The following SEC14L1 variants were observed in gnomAD, a reference collection of about 807,000 sequenced individuals.
The protein encoded by SEC14L1 is SEC14-like protein 1.
Under a neutral mutation model 85.3 loss-of-function variants are expected in SEC14L1, and 48 were observed. The ratio of observed to expected loss-of-function variants is 0.56; its 90% CI spans 0.45 to 0.72. The LOEUF (loss-of-function observed/expected upper bound fraction) is 0.72, where lower values mean the gene tolerates loss of function less well. Ranked by LOEUF, SEC14L1 falls within the 30% of genes least tolerant of loss-of-function variation. The probability of loss-of-function intolerance (pLI) is 0.00; values close to 1 mark genes in which losing one functional copy is unlikely to be tolerated. For synonymous variants in SEC14L1, 391 were observed against 355.5 expected (o/e 1.10, Z -1.12); for missense variants, 682 against 921.4 (o/e 0.74, Z 3.36).
chr17:77,195,056 T>C, intron 7 of SEC14L1, 145 bp downstream of exon 7: 1 of 624,320 alleles, frequency 1.6e-6, no homozygotes, highest in East Asian at 2.7e-5. Flanking sequence ...TTCTGGCCCT[T>C]GTCCTCTCGC....
intron 3 of SEC14L1, among the ~76,000 whole-genome samples, chr17:77,131,104 T>C (rs1319878238): frequency 6.6e-6 from 1 of 152,132 alleles, no homozygotes; most frequent in Non-Finnish European, 1.5e-5. Flanking sequence ...ACATGCCTTA[T>C]GATGGAATTG....
At chr17:77,168,531 C>T (rs1454448422) in intron 3 of SEC14L1, among the ~76,000 whole-genome samples, 4 of 152,322 alleles carry the variant, frequency 2.6e-5, no homozygotes, top group East Asian at 3.9e-4. Flanking sequence ...CCTTTCCATT[C>T]ACCAAACCAC....
intron 3 of SEC14L1, among the ~76,000 whole-genome samples, chr17:77,108,787 CA>C (rs60644460): frequency 0.32 from 36,082 of 112,722 alleles, 5,002 homozygotes; most frequent in South Asian, 0.43. Flanking sequence ...TCTCTGTCTC[CA>C]AAAAAAAAAA....
chr17:77,166,854 G>A (rs1302908349), intron 3 of SEC14L1, among the ~76,000 whole-genome samples: 1 of 151,874 alleles, frequency 6.6e-6, no homozygotes, highest in African/African-American at 2.4e-5. Context: ...CAAAAAACAA[G>A]AAAAAAACAA....
At chr17:77,153,346 C>T (rs915331577) in intron 3 of SEC14L1, among the ~76,000 whole-genome samples, 10 of 152,182 alleles carry the variant, frequency 6.6e-5, no homozygotes, top group Non-Finnish European at 8.8e-5. Context: ...GGATTACAGG[C>T]GTGAACCACT....
At chr17:77,118,623 C>T (rs17533156) in intron 3 of SEC14L1, among the ~76,000 whole-genome samples, 27,935 of 152,250 alleles carry the variant, frequency 0.18, 2,798 homozygotes, top group Middle Eastern at 0.26. Flanking sequence ...ATGCGCTTAA[C>T]GTAAGGAAAG....
intron 7 of SEC14L1, 46 bp downstream of exon 7, chr17:77,194,957 C>G: frequency 7.0e-7 from 1 of 1,424,716 alleles, no homozygotes; most frequent in South Asian, 1.2e-5. Flanking sequence ...CTAGGGAAGT[C>G]GGCGTTGCCG....
chr17:77,198,159 G>A (rs1315827853), intron 8 of SEC14L1, among the ~76,000 whole-genome samples: 1 of 152,134 alleles, frequency 6.6e-6, no homozygotes, highest in East Asian at 1.9e-4. Context: ...AATTAGATTG[G>A]CATAGTTAAG....
At chr17:77,165,475 G>T (rs1476403825) in intron 3 of SEC14L1, among the ~76,000 whole-genome samples, 3 of 152,174 alleles carry the variant, frequency 2.0e-5, no homozygotes, top group Admixed American at 6.5e-5. Context: ...GCAGGTGGGT[G>T]AGAGAGGCAG....
intron 3 of SEC14L1, among the ~76,000 whole-genome samples, chr17:77,173,575 C>A (rs902304941): frequency 2.6e-5 from 4 of 152,180 alleles, no homozygotes; most frequent in Non-Finnish European, 5.9e-5. Flanking sequence ...AGCGTATCTC[C>A]TCCTGAGGGA....
intron 1 of SEC14L1, among the ~76,000 whole-genome samples, chr17:77,141,915 C>T (rs1489729194): frequency 1.3e-5 from 2 of 152,162 alleles, no homozygotes; most frequent in East Asian, 3.8e-4. Context: ...CCACTGTGCA[C>T]CAACACTGTA....
At chr17:77,187,128 C>T (rs139725860) in intron 3 of SEC14L1, among the ~76,000 whole-genome samples, 1 of 152,222 alleles carries the variant, frequency 6.6e-6, no homozygotes, top group East Asian at 1.9e-4. Context: ...GATGCTCAAC[C>T]AGTAAGTATA....
At chr17:77,129,973 C>T (rs574585992) in intron 3 of SEC14L1, 12 of 152,188 alleles carry the variant, frequency 7.9e-5, no homozygotes, top group South Asian at 6.2e-4. Context: ...CTGCATCAGT[C>T]GGTGAAGTGA....
rs561159575 is a variant in SEC14L1 at position 77,097,689 on chromosome 17, G to A, written c.-136+4342G>A. Among the ~76,000 whole-genome samples the A allele has an allele frequency of 5.3e-5, 8 of 152,320 alleles. No homozygotes were observed. In the South Asian group the frequency reaches 1.5e-3, roughly 28 times the overall value. On this transcript the variant is annotated intron_variant, in intron 3 of 19. Coordinates refer to the SEC14L1 transcript ENST00000392476. ...TGTAATCTTCAACAGAGTACTGTAC[G>A]TTCTCTGGCTTATTAGCCCGGTGAA... is the stretch of plus-strand genomic sequence containing the variant.
intron 3 of SEC14L1, among the ~76,000 whole-genome samples, chr17:77,135,064 G>A (rs1186742594): frequency 6.6e-6 from 1 of 152,092 alleles, no homozygotes; most frequent in South Asian, 2.1e-4. Flanking sequence ...GACACCAGTG[G>A]CCCTCTTATT....
chr17:77,124,711 G>A (rs1271739839), intron 3 of SEC14L1, among the ~76,000 whole-genome samples: 1 of 152,202 alleles, frequency 6.6e-6, no homozygotes, highest in East Asian at 1.9e-4. Flanking sequence ...GGGTTGGAGT[G>A]AGTGAGGCCA....
At position 77,142,386 on chromosome 17, in the gene SEC14L1, G is replaced by A. The variant is rs114162078; in HGVS notation, c.-135-260G>A. 8.1e-3 allele frequency among the ~76,000 whole-genome samples: 1,226 copies of A among 151,992 alleles called. 17 individuals carry two copies. Among genetic ancestry groups the A allele is most frequent in the African/African-American group, 0.028 (1,141 of 41,418 alleles). On this transcript the variant is annotated intron_variant, in intron 1 of 16. Coordinates refer to ENST00000436233, the MANE Select transcript of SEC14L1 (RefSeq NM_001143998.2). ...GCCCAGGAGTTTGAGACCAGCCTGG[G>A]CAACATGGGGAAACCTTCTACAAAA...
chr17:77,163,075 A>G (rs923498579), intron 3 of SEC14L1, among the ~76,000 whole-genome samples: 2 of 151,692 alleles, frequency 1.3e-5, no homozygotes, highest in Non-Finnish European at 2.9e-5. Flanking sequence ...TGCCTCCTGG[A>G]CTCTTGTTAC....
chr17:77,124,829 A>G (rs1972394697), intron 3 of SEC14L1, among the ~76,000 whole-genome samples: 1 of 152,166 alleles, frequency 6.6e-6, no homozygotes, highest in Non-Finnish European at 1.5e-5. Context: ...CATGTCGTAC[A>G]GTCGCTTAAC....
Sources: gnomAD v4.1 joint callset for allele counts (sites outside exome capture counted in the v4.1 genomes callset) on GRCh38, gnomAD v4.1.1 for gene constraint, MANE v1.5 for transcripts, NCBI Gene and HGNC (gene_info 2026-07-23, HGNC 2026-07-21) for gene names.